Variants in CSNK1G3 observed in about 807,000 individuals in gnomAD.
The protein encoded by CSNK1G3 is casein kinase 1 gamma 3, also known as casein kinase I isoform gamma-3.
CSNK1G3 carries 23 observed loss-of-function variants against 64.3 expected under a neutral mutation model. The ratio of observed to expected loss-of-function variants is 0.36; its 90% CI spans 0.26 to 0.51. The LOEUF (loss-of-function observed/expected upper bound fraction) is 0.51. Ranked by LOEUF, CSNK1G3 falls within the 20% of genes least tolerant of loss-of-function variation. The pLI is 0.96. For synonymous variants in CSNK1G3, 158 were observed against 162.2 expected (o/e 0.97, Z 0.20); for missense variants, 357 against 510.5 (o/e 0.70, Z 2.90).
intron 2 of CSNK1G3, among the ~76,000 whole-genome samples, chr5:123,549,324 T>C (rs1432343098): frequency 6.6e-6 from 1 of 152,192 alleles, no homozygotes; most frequent in African/African-American, 2.4e-5. Flanking sequence ...TTATGATGTT[T>C]TGACATCTTA....
chr5:123,605,263 A>G (rs1795154483), intron 11 of CSNK1G3, 76 bp from the exon 13 acceptor site: 1 of 1,323,450 alleles, frequency 7.6e-7, no homozygotes, highest in African/African-American at 1.5e-5. Context: ...CAATGTGATA[A>G]TTTCAATGTG....
At chr5:123,548,359 T>C (rs1199730552) in intron 2 of CSNK1G3, among the ~76,000 whole-genome samples, 1 of 149,922 alleles carries the variant, frequency 6.7e-6, no homozygotes, top group Non-Finnish European at 1.5e-5. Flanking sequence ...TTCAGGAGCC[T>C]GAGGCAGAAG....
At chr5:123,603,610 G>A (rs1047681717) in intron 10 of CSNK1G3, among the ~76,000 whole-genome samples, 3 of 152,092 alleles carry the variant, frequency 2.0e-5, no homozygotes, top group African/African-American at 7.2e-5. Flanking sequence ...AAAATAGGGT[G>A]TAACATAATT....
In CSNK1G3 at chr5:123,548,116, C is replaced by CT. The variant is rs201038642; in HGVS notation, c.178+2281dup. 9.3e-3 allele frequency among the ~76,000 whole-genome samples: 1,420 copies of CT among 152,040 alleles called. 11 individuals are homozygous for CT. The highest frequency in any genetic ancestry group is 0.016 in the Non-Finnish European group (1,055 of 67,926). On this transcript the variant is annotated intron_variant, in intron 2 of 12. Transcript: ENST00000345990. ...TGTTGGTATTTGGGGCTGGGCAGTTCTTTTTTGGGGTAGAATACTGTCCCA... is the reference window on the plus strand; with the variant it reads ...TGTTGGTATTTGGGGCTGGGCAGTTCTTTTTTTGGGGTAGAATACTGTCCCA...
rs777109117 is a variant in CSNK1G3, at chr5:123,515,646, G to GA, written c.-248+3085dup. Among the ~76,000 whole-genome samples, 14 of 150,214 alleles carry GA rather than the reference G, an allele frequency of 9.3e-5. No homozygotes were observed. The East Asian group carries it at 1.2e-3, about 13-fold the overall frequency. ...TTAATCATTATCAAAGGAGTGCTTA[G>GA]AAAAAAAAATCAGTTTATAAATGCA... On this transcript the variant is annotated intron_variant, in intron 1 of 12. Coordinates refer to ENST00000345990, the Ensembl canonical transcript of CSNK1G3.
intron 4 of CSNK1G3, among the ~76,000 whole-genome samples, chr5:123,564,913 G>A (rs1398012022): frequency 1.3e-5 from 2 of 152,090 alleles, no homozygotes; most frequent in Non-Finnish European, 2.9e-5. Flanking sequence ...AAACTTTCGG[G>A]TCTCAGGATT....
chr5:123,595,750 C>G (rs1345924896), intron 10 of CSNK1G3, among the ~76,000 whole-genome samples: 1 of 151,910 alleles, frequency 6.6e-6, no homozygotes, highest in African/African-American at 2.4e-5. Flanking sequence ...TGATTTGTTT[C>G]TTTTCACCTT....
chr5:123,522,358 CG>C (rs201839865), intron 1 of CSNK1G3, among the ~76,000 whole-genome samples: 2,989 of 152,076 alleles, frequency 0.02, 102 homozygotes, highest in African/African-American at 0.069. Context: ...AAAAAATTAG[CG>C]GGGCGTGGTG....
At chr5:123,539,082 G>C (rs529745654) in intron 1 of CSNK1G3, among the ~76,000 whole-genome samples, 1 of 152,194 alleles carries the variant, frequency 6.6e-6, no homozygotes, top group South Asian at 2.1e-4. Context: ...AATCCTCCAG[G>C]CTTTGCCTTC....
At chr5:123,568,771 A>G (rs1025272813) in intron 4 of CSNK1G3, among the ~76,000 whole-genome samples, 1 of 152,188 alleles carries the variant, frequency 6.6e-6, no homozygotes, top group African/African-American at 2.4e-5. Context: ...GGCCAAATGC[A>G]TTGCTGATGT....
chr5:123,594,490 C>T (rs933805738), intron 10 of CSNK1G3, among the ~76,000 whole-genome samples: 1 of 152,110 alleles, frequency 6.6e-6, no homozygotes, highest in Non-Finnish European at 1.5e-5. Context: ...AGTGCTTCTC[C>T]CTTTTCAAAG....
At chr5:123,546,430 ACT>A in intron 2 of CSNK1G3, among the ~76,000 whole-genome samples, 1 of 152,092 alleles carries the variant, frequency 6.6e-6, no homozygotes, top group Non-Finnish European at 1.5e-5. Context: ...AAGCTTCCTA[ACT>A]CTATATTCAA....
intron 2 of CSNK1G3, among the ~76,000 whole-genome samples, chr5:123,548,135 T>C (rs1365742784): frequency 6.6e-6 from 1 of 152,120 alleles, no homozygotes; most frequent in Admixed American, 6.6e-5. Flanking sequence ...GGTAGAATAC[T>C]GTCCCAGACA....
Position 123,524,585 on chromosome 5 carries a change from C to T in CSNK1G3, c.-248+12015C>T, listed in dbSNP as rs149677376. On this transcript the variant is annotated intron_variant, in intron 1 of 12. Transcript: ENST00000345990. ...TTGGCTTATTCTTATTTTTTGCCTCCGGTTCCTATTCCCATACTTTGTGGT... is the reference window on the plus strand; with the variant it reads ...TTGGCTTATTCTTATTTTTTGCCTCTGGTTCCTATTCCCATACTTTGTGGT... Among the ~76,000 whole-genome samples, 45 of 152,068 alleles carry T rather than the reference C, an allele frequency of 3.0e-4. No individual in the cohort carries two copies. The East Asian group carries it at 8.3e-3, about 28-fold the overall frequency.
At chr5:123,553,205 T>A in intron 3 of CSNK1G3, 58 bp downstream of exon 3, 1 of 886,226 alleles carries the variant, frequency 1.1e-6, no homozygotes, top group Non-Finnish European at 1.7e-6. Flanking sequence ...TTAAGTAACT[T>A]ATATATTTTA....
chr5:123,614,552 T>C (rs1400706002), exon 13 of CSNK1G3: 3 of 575,512 alleles, frequency 5.2e-6, no homozygotes, highest in Non-Finnish European at 8.6e-6. Context: ...TTGTCTTACA[T>C]TCTTTTTCTT....
At chr5:123,611,622 G>C (rs1479425133) in intron 12 of CSNK1G3, among the ~76,000 whole-genome samples, 1 of 152,086 alleles carries the variant, frequency 6.6e-6, no homozygotes, top group African/African-American at 2.4e-5. Context: ...ACTTTGTCTT[G>C]TTCATCAAAA....
chr5:123,548,769 T>C (rs1470855166), intron 2 of CSNK1G3, among the ~76,000 whole-genome samples: 1 of 150,390 alleles, frequency 6.6e-6, no homozygotes, highest in Non-Finnish European at 1.5e-5. Context: ...ATAAGGAAGG[T>C]GAATTGATGT....
chr5:123,522,132 G>A (rs1778215678), intron 1 of CSNK1G3, among the ~76,000 whole-genome samples: 1 of 152,144 alleles, frequency 6.6e-6, no homozygotes, highest in Admixed American at 6.5e-5. Context: ...GAAAATATTA[G>A]CAAGAGAATC....
Sources: gnomAD v4.1 joint callset for allele counts (sites outside exome capture counted in the v4.1 genomes callset) on GRCh38, gnomAD v4.1.1 for gene constraint, MANE v1.5 for transcripts, NCBI Gene and HGNC (gene_info 2026-07-23, HGNC 2026-07-21) for gene names.